Variants in SLC9A9 observed in about 807,000 individuals in gnomAD.
SLC9A9 encodes solute carrier family 9 member A9, also known as sodium/hydrogen exchanger 9.
A neutral mutation model predicts 77.8 loss-of-function variants in SLC9A9; 62 were observed. That is an observed-to-expected ratio of 0.80 (90% confidence interval 0.65 to 0.98). SLC9A9 has a LOEUF of 0.98. SLC9A9 is among the 50% of genes least tolerant of loss of function. The probability of loss-of-function intolerance (pLI) is 0.00; values close to 1 mark genes in which losing one functional copy is unlikely to be tolerated. For synonymous variants in SLC9A9, 320 were observed against 283.5 expected (o/e 1.13, Z -1.29); for missense variants, 775 against 774.9 (o/e 1.00, Z 0.00).
chr3:143,751,428 A>G (rs905758963), intron 4 of SLC9A9, among the ~76,000 whole-genome samples: 4 of 152,148 alleles, frequency 2.6e-5, no homozygotes, highest in East Asian at 3.9e-4. Context: ...GAAGGAAGCT[A>G]TCTTTCCTGG....
At chr3:143,664,689 T>C (rs2039034304) in intron 5 of SLC9A9, among the ~76,000 whole-genome samples, 1 of 152,164 alleles carries the variant, frequency 6.6e-6, no homozygotes, top group Admixed American at 6.5e-5. Context: ...GCAATCCTAG[T>C]CTCTGATAAA....
chr3:143,305,894 T>G (rs2030759325), intron 14 of SLC9A9, among the ~76,000 whole-genome samples: 1 of 152,236 alleles, frequency 6.6e-6, no homozygotes, highest in South Asian at 2.1e-4. Flanking sequence ...TGTCAAGTGA[T>G]GGAAAAGAAT....
intron 6 of SLC9A9, among the ~76,000 whole-genome samples, chr3:143,600,754 TA>T (rs2037833598): frequency 6.6e-6 from 1 of 152,152 alleles, no homozygotes; most frequent in Non-Finnish European, 1.5e-5. Flanking sequence ...AATAATGAAA[TA>T]TAGGAGATAT....
chr3:143,294,609 G>A (rs1030620708), intron 14 of SLC9A9, among the ~76,000 whole-genome samples: 2 of 152,250 alleles, frequency 1.3e-5, no homozygotes, highest in South Asian at 2.1e-4. Flanking sequence ...TGGAGGGGTA[G>A]AGGGTAGGCA....
Position 143,407,192 on chromosome 3 carries a change from A to G in SLC9A9, c.1470-25078T>C, listed in dbSNP as rs967465731. Among the ~76,000 whole-genome samples the G allele has an allele frequency of 1.1e-4, 17 of 152,320 alleles. No individual in the cohort carries two copies. The South Asian group carries it at 3.1e-3, about 28-fold the overall frequency. ...CTACTTTTAGCTTTCACAGAACACA[A>G]TTGAGAATTCAGATCTCATTTCTCA... is the stretch of plus-strand genomic sequence containing the variant. On this transcript the variant is annotated intron_variant, in intron 12 of 15. Transcript: ENST00000316549.
intron 6 of SLC9A9, among the ~76,000 whole-genome samples, chr3:143,625,790 C>T (rs2038312476): frequency 6.6e-6 from 1 of 152,184 alleles, no homozygotes; most frequent in South Asian, 2.1e-4. Context: ...TAAAGAGCTT[C>T]TGCACAGCAA....
At chr3:143,780,150 T>G (rs915682656) in intron 4 of SLC9A9, among the ~76,000 whole-genome samples, 2 of 152,220 alleles carry the variant, frequency 1.3e-5, no homozygotes, top group Non-Finnish European at 2.9e-5. Context: ...TGTAAGCAAT[T>G]TATCTACATA....
chr3:143,709,344 A>G (rs1226498471), intron 4 of SLC9A9, among the ~76,000 whole-genome samples: 2 of 152,112 alleles, frequency 1.3e-5, no homozygotes, highest in Admixed American at 6.6e-5. Flanking sequence ...GGGCCAGAAT[A>G]AGTGCTCGAA....
chr3:143,457,668 A>G (rs1230086921), intron 12 of SLC9A9, among the ~76,000 whole-genome samples: 1 of 152,154 alleles, frequency 6.6e-6, no homozygotes, highest in African/African-American at 2.4e-5. Flanking sequence ...CATTTACTTC[A>G]AAATATTTTC....
intron 14 of SLC9A9, chr3:143,344,507 C>T (rs1012497840): frequency 1.3e-5 from 2 of 152,106 alleles, no homozygotes; most frequent in African/African-American, 4.8e-5. Flanking sequence ...TATGATGATG[C>T]CCATTTACAA....
At chr3:143,537,028 C>A (rs186524159) in intron 9 of SLC9A9, among the ~76,000 whole-genome samples, 1 of 152,236 alleles carries the variant, frequency 6.6e-6, no homozygotes, top group African/African-American at 2.4e-5. Flanking sequence ...GTCCCAAGTC[C>A]CAAGCCTATC....
At chr3:143,729,186 T>C (rs6783268) in intron 4 of SLC9A9, among the ~76,000 whole-genome samples, 114,146 of 152,060 alleles carry the variant, frequency 0.75, 43,228 homozygotes, top group East Asian at 1. Flanking sequence ...AAGGAAGCCT[T>C]CTTTGCCCCC....
intron 12 of SLC9A9, among the ~76,000 whole-genome samples, chr3:143,409,879 AG>A (rs951532431): frequency 4.1e-4 from 63 of 152,348 alleles, no homozygotes; most frequent in African/African-American, 1.4e-3. Context: ...TCTGGGCTGC[AG>A]GAACAGCAGG....
At chr3:143,463,633 C>T (rs536410751) in intron 12 of SLC9A9, among the ~76,000 whole-genome samples, 1 of 152,322 alleles carries the variant, frequency 6.6e-6, no homozygotes, top group South Asian at 2.1e-4. Flanking sequence ...AACCATTCTA[C>T]TTTATTTTAC....
intron 6 of SLC9A9, among the ~76,000 whole-genome samples, chr3:143,594,430 T>A (rs975693724): frequency 1.3e-5 from 2 of 152,068 alleles, no homozygotes; most frequent in African/African-American, 4.8e-5. Flanking sequence ...CACAATAACC[T>A]CATAGCAGAG....
intron 5 of SLC9A9, among the ~76,000 whole-genome samples, chr3:143,670,768 C>G (rs2108764907): frequency 6.6e-6 from 1 of 152,360 alleles, no homozygotes; most frequent in African/African-American, 2.4e-5. Context: ...CTACCTCCCT[C>G]TTTAGACTGG....
intron 6 of SLC9A9, among the ~76,000 whole-genome samples, chr3:143,626,517 CA>C (rs1216730572): frequency 1.8e-4 from 27 of 147,780 alleles, no homozygotes; most frequent in African/African-American, 6.5e-4. Context: ...ATCGCAAGGA[CA>C]AAAAACCAAA....
chr3:143,364,817 A>G (rs2032855503), intron 13 of SLC9A9, among the ~76,000 whole-genome samples: 1 of 152,176 alleles, frequency 6.6e-6, no homozygotes. Context: ...TGTCTTTTTC[A>G]TTGATTGTCT....
chr3:143,532,033 A>T (rs1354738681), intron 9 of SLC9A9, among the ~76,000 whole-genome samples: 2 of 152,246 alleles, frequency 1.3e-5, no homozygotes, highest in Non-Finnish European at 2.9e-5. Flanking sequence ...TTAAACCAGA[A>T]ATAAAAGAAA....
Sources: allele counts gnomAD v4.1 joint callset (sites outside exome capture counted in the v4.1 genomes callset), GRCh38; gene constraint gnomAD v4.1.1; transcripts MANE v1.5; gene names NCBI Gene and HGNC (gene_info 2026-07-23, HGNC 2026-07-21).